TACC2: variants seen among roughly 807,000 people sequenced by gnomAD.
TACC2 encodes the protein transforming acidic coiled-coil-containing protein 2.
In TACC2, 137 loss-of-function variants were observed where a neutral mutation model predicts 227.3. The ratio of observed to expected loss-of-function variants is 0.60; its 90% CI spans 0.52 to 0.69. The LOEUF is 0.69. Among genes scored for constraint, TACC2 ranks in the 30% least tolerant of loss-of-function variants. The probability of loss-of-function intolerance (pLI) is 0.00; values close to 1 mark genes in which losing one functional copy is unlikely to be tolerated. For missense variants in TACC2, 3,470 were observed against 3,694.4 expected, an observed-to-expected ratio of 0.94 and a Z score of 1.57; for synonymous variants, 1,523 against 1,487.5, an observed-to-expected ratio of 1.02 and a Z score of -0.55.
At chr10:122,108,907 G>A (rs1039301732) in intron 5 of TACC2, among the ~76,000 whole-genome samples, 1 of 151,770 alleles carries the variant, frequency 6.6e-6, no homozygotes, top group Admixed American at 6.6e-5. Context: ...CTAATTTTTT[G>A]TATTTTTAGT....
At chr10:122,206,920 G>A (rs983998811) in intron 8 of TACC2, among the ~76,000 whole-genome samples, 6 of 152,164 alleles carry the variant, frequency 3.9e-5, no homozygotes, top group Non-Finnish European at 7.4e-5. Context: ...GGTTATTTGT[G>A]GAATGAACAA....
chr10:122,117,263 C>T (rs550639866), intron 5 of TACC2, among the ~76,000 whole-genome samples: 4 of 148,650 alleles, frequency 2.7e-5, no homozygotes, highest in South Asian at 2.1e-4. Context: ...GGCGTGATCT[C>T]GGCCCACTGC....
chr10:122,068,138 T>G (rs1275009066), intron 3 of TACC2, among the ~76,000 whole-genome samples: 1 of 152,216 alleles, frequency 6.6e-6, no homozygotes, highest in Non-Finnish European at 1.5e-5. Flanking sequence ...GTTTTTTATT[T>G]TAGACATTGC....
chr10:122,100,705 C>G (rs1196374347), intron 5 of TACC2, among the ~76,000 whole-genome samples: 1 of 152,206 alleles, frequency 6.6e-6, no homozygotes, highest in Admixed American at 6.5e-5. Flanking sequence ...GGATTACAGG[C>G]ATGAGCTATA....
chr10:122,204,151 A>G (rs1385819494), intron 8 of TACC2, among the ~76,000 whole-genome samples: 1 of 120,718 alleles, frequency 8.3e-6, no homozygotes, highest in Non-Finnish European at 1.6e-5. Flanking sequence ...GACCTTGGAA[A>G]GAGAGGGAGA....
intron 2 of TACC2, among the ~76,000 whole-genome samples, chr10:122,047,749 A>G (rs954045687): frequency 1.3e-5 from 2 of 152,364 alleles, no homozygotes; most frequent in South Asian, 2.1e-4. Flanking sequence ...TGCAAATTCA[A>G]TGACATAGTT....
At chr10:122,069,842 C>T (rs72839686) in intron 3 of TACC2, among the ~76,000 whole-genome samples, 16,403 of 152,236 alleles carry the variant, frequency 0.11, 1,074 homozygotes, top group Middle Eastern at 0.17. Context: ...CCTTCAAGAG[C>T]TCCTTGTATC....
Position 122,004,897 on chromosome 10 carries a change from G to A in TACC2, c.-46+15409G>A, listed in dbSNP as rs567865580. ...TTTTGTAATTTAAATTTGTATTTTTGTATTTCCCCTTTTATCTAAGAGTTG... is the reference window on the plus strand; with the variant it reads ...TTTTGTAATTTAAATTTGTATTTTTATATTTCCCCTTTTATCTAAGAGTTG... On this transcript the variant is annotated intron_variant, in intron 1 of 22. Coordinates refer to ENST00000369005, the MANE Select transcript of TACC2 (RefSeq NM_206862.4). 7.2e-5 allele frequency among the ~76,000 whole-genome samples: 11 copies of A among 152,080 alleles called. No individual in the cohort carries two copies. The South Asian group carries it at 1.9e-3, about 26-fold the overall frequency.
chr10:122,097,357 AAAG>A (rs2081565137), intron 5 of TACC2, among the ~76,000 whole-genome samples: 1 of 152,018 alleles, frequency 6.6e-6, no homozygotes, highest in Non-Finnish European at 1.5e-5. Context: ...GGAAGAAGAA[AAAG>A]AAGAAGAGTT....
intron 7 of TACC2, among the ~76,000 whole-genome samples, chr10:122,174,801 A>G (rs2093630788): frequency 6.6e-6 from 1 of 152,196 alleles, no homozygotes; most frequent in Admixed American, 6.5e-5. Context: ...ACTAACCAGT[A>G]GTTGAACTAA....
At chr10:122,214,457 G>C (rs1276071347) in intron 9 of TACC2, among the ~76,000 whole-genome samples, 1 of 152,140 alleles carries the variant, frequency 6.6e-6, no homozygotes, top group Non-Finnish European at 1.5e-5. Flanking sequence ...AAGCAGGGGA[G>C]GGTGGTGGGA....
At chr10:122,089,178 C>T (rs2080434151) in intron 5 of TACC2, among the ~76,000 whole-genome samples, 1 of 152,162 alleles carries the variant, frequency 6.6e-6, no homozygotes, top group African/African-American at 2.4e-5. Context: ...TCATACAATT[C>T]AGTGGCTTGT....
chr10:122,117,277 C>T (rs570406618), intron 5 of TACC2, among the ~76,000 whole-genome samples: 1 of 151,322 alleles, frequency 6.6e-6, no homozygotes, highest in South Asian at 2.1e-4. Context: ...CCACTGCAAC[C>T]TCTGCCTCCT....
At chr10:122,048,484 C>T (rs1416376097) in intron 2 of TACC2, among the ~76,000 whole-genome samples, 4 of 136,630 alleles carry the variant, frequency 2.9e-5, no homozygotes, top group Admixed American at 2.2e-4. Flanking sequence ...CTCTCTCCTT[C>T]CCTCTCTCCC....
chr10:122,099,984 G>A (rs901563393), intron 5 of TACC2, among the ~76,000 whole-genome samples: 7 of 152,264 alleles, frequency 4.6e-5, no homozygotes, highest in African/African-American at 1.4e-4. Context: ...ACTCTTTGGG[G>A]CTGGGCACAG....
At chr10:122,108,783 G>C (rs192952484) in intron 5 of TACC2, among the ~76,000 whole-genome samples, 59 of 151,096 alleles carry the variant, frequency 3.9e-4, no homozygotes, top group African/African-American at 1.4e-3. Context: ...CACCAGGCTG[G>C]AGTGCAATGG....
intron 3 of TACC2, among the ~76,000 whole-genome samples, chr10:122,082,178 CA>C (rs1436819585): frequency 6.6e-6 from 1 of 152,112 alleles, no homozygotes; most frequent in Non-Finnish European, 1.5e-5. Context: ...TGTGGTGGTG[CA>C]AACCTGTGGT....
At chr10:122,044,512 A>T (rs1048147624) in intron 2 of TACC2, among the ~76,000 whole-genome samples, 5 of 152,172 alleles carry the variant, frequency 3.3e-5, no homozygotes, top group Admixed American at 3.3e-4. Flanking sequence ...GCTTCCCAGC[A>T]TTCACCTGCA....
At chr10:122,222,178 G>A (rs2095535881) in intron 11 of TACC2, among the ~76,000 whole-genome samples, 1 of 152,202 alleles carries the variant, frequency 6.6e-6, no homozygotes, top group African/African-American at 2.4e-5. Flanking sequence ...TGTGAAAATA[G>A]GGCTGAAATT....
Sources: allele counts gnomAD v4.1 joint callset (sites outside exome capture counted in the v4.1 genomes callset), GRCh38; gene constraint gnomAD v4.1.1; transcripts MANE v1.5; gene names NCBI Gene and HGNC (gene_info 2026-07-23, HGNC 2026-07-21).